CADPS2: variants seen among roughly 807,000 people sequenced by gnomAD.
The protein encoded by CADPS2 is calcium dependent secretion activator 2.
Under a neutral mutation model 172.5 loss-of-function variants are expected in CADPS2, and 93 were observed. The observed-to-expected ratio is 0.54, with a 90% CI of 0.46 to 0.64. The LOEUF (loss-of-function observed/expected upper bound fraction) is 0.64, where lower values mean the gene tolerates loss of function less well. Among genes scored for constraint, CADPS2 ranks in the 30% least tolerant of loss-of-function variants. The probability of loss-of-function intolerance (pLI) is 0.00; values close to 1 mark genes in which losing one functional copy is unlikely to be tolerated. For synonymous variants in CADPS2, 546 were observed against 555.2 expected (o/e 0.98, Z 0.23); for missense variants, 1,420 against 1,565.9 (o/e 0.91, Z 1.57).
chr7:122,539,474 G>T (rs1164902419), intron 8 of CADPS2, among the ~76,000 whole-genome samples: 1 of 152,002 alleles, frequency 6.6e-6, no homozygotes, highest in Non-Finnish European at 1.5e-5. Flanking sequence ...TACCTATGTG[G>T]GCAGGAGCGA....
chr7:122,449,041 A>G lies in CADPS2; in HGVS notation c.2288+2333T>C, dbSNP rs2152021789. 2.0e-5 allele frequency among the ~76,000 whole-genome samples: 3 copies of G among 152,358 alleles called. No homozygotes were observed. In the South Asian group the frequency reaches 6.2e-4, roughly 32 times the overall value. ...AAAGAAAGAGAGCTGTGGCTACTGA[A>G]TAAAGCTTGTCTTAAAGCTTGCCTG... On this transcript the variant is annotated intron_variant, in intron 15 of 29. Transcript: ENST00000449022.
intron 2 of CADPS2, chr7:122,681,497 C>T (rs2083043141): frequency 6.8e-7 from 1 of 1,472,022 alleles, no homozygotes; most frequent in Non-Finnish European, 9.4e-7. Flanking sequence ...TCTTCGATGC[C>T]TATGTGCTTC....
intron 2 of CADPS2, among the ~76,000 whole-genome samples, chr7:122,674,728 T>C (rs1320149758): frequency 2.0e-5 from 3 of 152,196 alleles, no homozygotes; most frequent in Non-Finnish European, 2.9e-5. Context: ...AAAAACATTA[T>C]CTGCTTGCCA....
intron 1 of CADPS2, among the ~76,000 whole-genome samples, chr7:122,835,304 C>A (rs1808012616): frequency 6.6e-6 from 1 of 152,100 alleles, no homozygotes; most frequent in African/African-American, 2.4e-5. Flanking sequence ...CATCAAAGAC[C>A]AAAGGTAGAT....
At chr7:122,461,371 A>G (rs1196503858) in intron 14 of CADPS2, among the ~76,000 whole-genome samples, 1 of 152,210 alleles carries the variant, frequency 6.6e-6, no homozygotes, top group Non-Finnish European at 1.5e-5. Flanking sequence ...ATCAGGGTAA[A>G]TAAAAAGAAA....
At chr7:122,445,016 C>T (rs1224718300) in intron 15 of CADPS2, among the ~76,000 whole-genome samples, 3 of 152,140 alleles carry the variant, frequency 2.0e-5, no homozygotes, top group Admixed American at 6.6e-5. Flanking sequence ...AAAAAGTATA[C>T]TTTGCAAATT....
intron 6 of CADPS2, among the ~76,000 whole-genome samples, chr7:122,587,195 G>A (rs1182316411): frequency 1.3e-5 from 2 of 151,410 alleles, no homozygotes; most frequent in African/African-American, 4.9e-5. Context: ...GGTTTGCTGC[G>A]CCTATCAACA....
intron 2 of CADPS2, among the ~76,000 whole-genome samples, chr7:122,695,017 C>A (rs755686125): frequency 3.3e-5 from 5 of 152,144 alleles, no homozygotes; most frequent in Admixed American, 6.5e-5. Flanking sequence ...AAAGTCAGAT[C>A]CCTGGCTCAC....
intron 3 of CADPS2, among the ~76,000 whole-genome samples, chr7:122,638,900 T>C (rs1380935057): frequency 6.6e-6 from 1 of 152,218 alleles, no homozygotes; most frequent in Non-Finnish European, 1.5e-5. Flanking sequence ...AGAGAGTCCA[T>C]GTTTACTCGT....
chr7:122,657,484 T>G (rs941818602), intron 3 of CADPS2, among the ~76,000 whole-genome samples: 1 of 152,344 alleles, frequency 6.6e-6, no homozygotes, highest in African/African-American at 2.4e-5. Context: ...TTTTATTTCG[T>G]TGAGCAGTGG....
intron 1 of CADPS2, among the ~76,000 whole-genome samples, chr7:122,869,083 T>C (rs1175087879): frequency 6.6e-6 from 1 of 151,974 alleles, no homozygotes; most frequent in Non-Finnish European, 1.5e-5. Context: ...GTGAATAAAC[T>C]ATGCATTATC....
chr7:122,753,397 T>G (rs2093028852), intron 1 of CADPS2, among the ~76,000 whole-genome samples: 1 of 152,202 alleles, frequency 6.6e-6, no homozygotes, highest in African/African-American at 2.4e-5. Context: ...CCTCAACTTT[T>G]ATTTAAAGGG....
At chr7:122,716,355 C>T (rs1312625967) in intron 2 of CADPS2, among the ~76,000 whole-genome samples, 4 of 152,058 alleles carry the variant, frequency 2.6e-5, no homozygotes, top group African/African-American at 9.7e-5. Flanking sequence ...ATAGGGCAGG[C>T]CCACCCCCTT....
At chr7:122,757,580 A>C (rs1475730532) in intron 1 of CADPS2, among the ~76,000 whole-genome samples, 2 of 152,068 alleles carry the variant, frequency 1.3e-5, no homozygotes, top group Non-Finnish European at 2.9e-5. Context: ...TTTATGTCAT[A>C]ATTTTAGGCA....
At chr7:122,788,701 T>C (rs35914742) in intron 1 of CADPS2, among the ~76,000 whole-genome samples, 39,169 of 152,096 alleles carry the variant, frequency 0.26, 6,161 homozygotes, top group East Asian at 0.56. Context: ...TTAGGCTGAT[T>C]GCACTATGCC....
chr7:122,534,050 C>A (rs1010653411), intron 8 of CADPS2, among the ~76,000 whole-genome samples: 1 of 152,092 alleles, frequency 6.6e-6, no homozygotes, highest in Non-Finnish European at 1.5e-5. Context: ...ACATTCAACT[C>A]CTTTATTATC....
At chr7:122,639,773 C>G (rs1336237758) in intron 3 of CADPS2, among the ~76,000 whole-genome samples, 2 of 152,160 alleles carry the variant, frequency 1.3e-5, no homozygotes, top group East Asian at 3.9e-4. Context: ...CATTAGGAAA[C>G]TGGAGATGTG....
chr7:122,721,894 A>T (rs2090456892), intron 2 of CADPS2, among the ~76,000 whole-genome samples: 1 of 152,218 alleles, frequency 6.6e-6, no homozygotes, highest in African/African-American at 2.4e-5. Flanking sequence ...AATATACGCG[A>T]ATCAATAAAT....
chr7:122,396,436 T>A (rs2151527221), intron 20 of CADPS2, among the ~76,000 whole-genome samples: 1 of 152,254 alleles, frequency 6.6e-6, no homozygotes, highest in South Asian at 2.1e-4. Flanking sequence ...TGCCAATCCA[T>A]CTTCTCAAAA....
Sources: gnomAD v4.1 joint callset for allele counts (sites outside exome capture counted in the v4.1 genomes callset) on GRCh38, gnomAD v4.1.1 for gene constraint, MANE v1.5 for transcripts, NCBI Gene and HGNC (gene_info 2026-07-23, HGNC 2026-07-21) for gene names.